PTPN3: variants seen among roughly 807,000 people sequenced by gnomAD.
The protein encoded by PTPN3 is protein tyrosine phosphatase non-receptor type 3.
Under a neutral mutation model 132.7 loss-of-function variants are expected in PTPN3, and 96 were observed. That is an observed-to-expected ratio of 0.72 (90% confidence interval 0.61 to 0.86). The LOEUF (loss-of-function observed/expected upper bound fraction) is 0.86, where lower values mean the gene tolerates loss of function less well. Ranked by LOEUF, PTPN3 falls within the 40% of genes least tolerant of loss-of-function variation. The pLI, the probability that PTPN3 is intolerant of heterozygous loss-of-function variation, is 0.00. For missense variants in PTPN3, 1,125 were observed against 1,159.6 expected, an observed-to-expected ratio of 0.97 and a Z score of 0.43; for synonymous variants, 398 against 429.0, an observed-to-expected ratio of 0.93 and a Z score of 0.89.
At chr9:109,533,103 G>T in the PTPN3 span, among the ~76,000 whole-genome samples, 44 of 136,402 alleles carry the variant, frequency 3.2e-4, 1 homozygote, top group Non-Finnish European at 7.7e-5. Context: ...CTACATACAG[G>T]CGCCCACCAC....
chr9:109,436,374 C>T (rs374355391), intron 9 of PTPN3, among the ~76,000 whole-genome samples: 1 of 152,270 alleles, frequency 6.6e-6, no homozygotes, highest in Admixed American at 6.5e-5. Flanking sequence ...TCCACTGGTG[C>T]ATAGAAATTG....
chr9:109,410,539 G>C (rs1842002392), intron 14 of PTPN3, 124 bp from the exon 15 acceptor site: 1 of 1,077,896 alleles, frequency 9.3e-7, no homozygotes, highest in African/African-American at 1.6e-5. Flanking sequence ...AGCTGCATAG[G>C]TTGTCAGCGG....
At chr9:109,418,758 T>A (rs1464682893) in intron 14 of PTPN3, among the ~76,000 whole-genome samples, 2 of 152,200 alleles carry the variant, frequency 1.3e-5, no homozygotes, top group Non-Finnish European at 2.9e-5. Flanking sequence ...TTTTTATTAT[T>A]TTAATTAATT....
At chr9:109,497,971 C>CG (rs1020004275) in intron 1 of PTPN3, among the ~76,000 whole-genome samples, 8 of 145,608 alleles carry the variant, frequency 5.5e-5, no homozygotes, top group South Asian at 4.2e-4. Context: ...CAGCCCGCCC[C>CG]GGCCGAGCCC....
intron 1 of PTPN3, among the ~76,000 whole-genome samples, chr9:109,473,903 TA>T (rs1554805052): frequency 2.2e-5 from 3 of 138,416 alleles, no homozygotes. Flanking sequence ...TAGATTGTGT[TA>T]GAAGTTCTTT....
chr9:109,420,688 C>T, intron 13 of PTPN3, 88 bp from the exon 14 acceptor site: 1 of 1,360,872 alleles, frequency 7.3e-7, no homozygotes. Context: ...CGTGTCCTGA[C>T]CTTTCTAAGG....
chr9:109,402,841 C>G (rs1841257967), intron 19 of PTPN3, among the ~76,000 whole-genome samples: 1 of 152,038 alleles, frequency 6.6e-6, no homozygotes, highest in African/African-American at 2.4e-5. Flanking sequence ...GGGGCTGAGG[C>G]AGGTGGCTTG....
chr9:109,471,214 G>C (rs962290485), intron 1 of PTPN3, among the ~76,000 whole-genome samples: 1 of 152,030 alleles, frequency 6.6e-6, no homozygotes, highest in Non-Finnish European at 1.5e-5. Flanking sequence ...GTGCCACCAC[G>C]CCCAACTAAT....
At chr9:109,531,416 C>T in the PTPN3 span, among the ~76,000 whole-genome samples, 1 of 152,186 alleles carries the variant, frequency 6.6e-6, no homozygotes, top group Admixed American at 6.5e-5. Context: ...TAACCCTGAT[C>T]ATGCCAAAAG....
At chr9:109,461,349 A>T (rs1313384213) in intron 2 of PTPN3, among the ~76,000 whole-genome samples, 1 of 152,202 alleles carries the variant, frequency 6.6e-6, no homozygotes, top group African/African-American at 2.4e-5. Flanking sequence ...GACATCTTTA[A>T]CACACATCGT....
At chr9:109,491,326 G>A (rs940621977) in intron 1 of PTPN3, among the ~76,000 whole-genome samples, 5 of 152,098 alleles carry the variant, frequency 3.3e-5, no homozygotes, top group African/African-American at 1.2e-4. Context: ...GGAAATATAT[G>A]TAGGGGGAAA....
intron 19 of PTPN3, among the ~76,000 whole-genome samples, chr9:109,403,963 T>C (rs1841351245): frequency 1.3e-5 from 2 of 152,206 alleles, no homozygotes; most frequent in African/African-American, 4.8e-5. Flanking sequence ...TATGCCCTCA[T>C]GGGATAACAC....
intron 1 of PTPN3, among the ~76,000 whole-genome samples, chr9:109,465,706 C>CAAAAAAAAAAAAAAA: frequency 1.5e-5 from 1 of 64,828 alleles, no homozygotes; most frequent in Non-Finnish European, 2.8e-5. Flanking sequence ...AACTCTGTCT[C>CAAAAAAAAAAAAAAA]AAAAAAAAAA....
intron 14 of PTPN3, among the ~76,000 whole-genome samples, chr9:109,419,314 G>A (rs983802030): frequency 3.3e-5 from 5 of 152,208 alleles, no homozygotes; most frequent in African/African-American, 1.2e-4. Context: ...CAAATGCCTG[G>A]AGTCCAATCA....
chr9:109,414,808 C>T (rs1252677535), intron 14 of PTPN3, among the ~76,000 whole-genome samples: 4 of 152,222 alleles, frequency 2.6e-5, no homozygotes, highest in Admixed American at 2.0e-4. Context: ...TTGACAGATG[C>T]CCTGCAGGGG....
intron 14 of PTPN3, among the ~76,000 whole-genome samples, chr9:109,410,868 C>CTGT (rs950649947): frequency 6.6e-6 from 1 of 152,162 alleles, no homozygotes; most frequent in Non-Finnish European, 1.5e-5. Flanking sequence ...GGAAACAGGA[C>CTGT]TGTTGTTGTT....
At chr9:109,427,925 A>T (rs964979896) in intron 11 of PTPN3, among the ~76,000 whole-genome samples, 9 of 152,230 alleles carry the variant, frequency 5.9e-5, no homozygotes, top group African/African-American at 2.2e-4. Context: ...TTAAAATTCC[A>T]GCTCCCCTGA....
chr9:109,460,497 C>G (rs1438490770), intron 2 of PTPN3, among the ~76,000 whole-genome samples: 1 of 152,104 alleles, frequency 6.6e-6, no homozygotes, highest in Admixed American at 6.5e-5. Context: ...ACCCCTTACC[C>G]CTGTTATCTC....
chr9:109,438,833 G>A (rs1844243716), intron 7 of PTPN3, among the ~76,000 whole-genome samples: 1 of 152,186 alleles, frequency 6.6e-6, no homozygotes, highest in African/African-American at 2.4e-5. Context: ...GGTGGGAGTG[G>A]GGCTGAATGG....
Sources: allele counts gnomAD v4.1 joint callset (sites outside exome capture counted in the v4.1 genomes callset), GRCh38; gene constraint gnomAD v4.1.1; transcripts MANE v1.5; gene names NCBI Gene and HGNC (gene_info 2026-07-23, HGNC 2026-07-21).